Variants in ABCC3 observed in about 807,000 individuals in gnomAD.
ABCC3 encodes ATP-binding cassette sub-family C member 3.
Under a neutral mutation model 165.3 loss-of-function variants are expected in ABCC3, and 121 were observed. The observed-to-expected ratio is 0.73, with a 90% CI of 0.63 to 0.85. ABCC3 has a LOEUF of 0.85. ABCC3 is among the 40% of genes least tolerant of loss of function. The probability of loss-of-function intolerance (pLI) is 0.00; values close to 1 mark genes in which losing one functional copy is unlikely to be tolerated. For synonymous variants in ABCC3, 733 were observed against 810.1 expected, an observed-to-expected ratio of 0.90 and a Z score of 1.62; for missense variants, 1,869 against 1,964.1, an observed-to-expected ratio of 0.95 and a Z score of 0.92.
chr17:50,680,558 TCACTGGGACTCCCAATCC>T (rs1967910160), intron 26 of ABCC3, among the ~76,000 whole-genome samples: 1 of 152,132 alleles, frequency 6.6e-6, no homozygotes, highest in African/African-American at 2.4e-5. Flanking sequence ...CAGTCTGCCT[TCACTGGGACTCCCAATCC>T]CATGACCCCC....
At chr17:50,658,699 C>T (rs1205693868) in intron 6 of ABCC3, among the ~76,000 whole-genome samples, 3 of 152,244 alleles carry the variant, frequency 2.0e-5, no homozygotes, top group African/African-American at 7.2e-5. Flanking sequence ...CCAGTGCCGC[C>T]CCCAGGCTAC....
chr17:50,669,002 G>A, intron 15 of ABCC3, 83 bp downstream of exon 15: 1 of 1,597,160 alleles, frequency 6.3e-7, no homozygotes, highest in Non-Finnish European at 8.6e-7. Context: ...CAAAGCCTTT[G>A]ACCAAGAATG....
chr17:50,668,627 C>T, intron 14 of ABCC3, 110 bp downstream of exon 14: 2 of 938,210 alleles, frequency 2.1e-6, no homozygotes, highest in Non-Finnish European at 3.3e-6. Context: ...TTCCTCTGTT[C>T]ACATCTGCTT....
At chr17:50,636,880 G>A (rs1439557733) in intron 1 of ABCC3, among the ~76,000 whole-genome samples, 1 of 152,226 alleles carries the variant, frequency 6.6e-6, no homozygotes, top group Non-Finnish European at 1.5e-5. Flanking sequence ...CAACCCCTCA[G>A]TGTAGAGCTG....
intron 17 of ABCC3, 73 bp from the exon 18 acceptor site, chr17:50,672,898 A>G (rs1967677886): frequency 7.0e-7 from 1 of 1,438,358 alleles, no homozygotes; most frequent in Middle Eastern, 1.8e-4. Context: ...TGCCATCCCA[A>G]ATAACAGTGG....
chr17:50,674,034 C>CTCTTTCTTTCTTTCTT (rs1163741242), intron 19 of ABCC3, among the ~76,000 whole-genome samples: 2 of 4,506 alleles, frequency 4.4e-4, no homozygotes, highest in Non-Finnish European at 3.9e-4. Context: ...CTCTCTCTCT[C>CTCTTTCTTTCTTTCTT]TCTTTCTTTC....
intron 18 of ABCC3, 67 bp from the exon 19 acceptor site, chr17:50,673,402 G>T (rs1052362157): frequency 1.3e-6 from 2 of 1,561,244 alleles, no homozygotes; most frequent in Non-Finnish European, 1.7e-6. Context: ...TCACTCTGTG[G>T]CTCCGTGCCT....
chr17:50,682,096 G>C (rs189889479), intron 26 of ABCC3, among the ~76,000 whole-genome samples: 3 of 152,192 alleles, frequency 2.0e-5, no homozygotes, highest in African/African-American at 2.4e-5. Flanking sequence ...CTCTGGCCGC[G>C]TGGTTTCTCC....
Position 50,664,085 on chromosome 17 carries a change from A to G in ABCC3, c.1312A>G (p.Ile438Val), listed in dbSNP as rs1327585394. ...GCTGTGGTCAGCACCCCTGCAGATCATCCTGGCGATCTACTTCCTCTGGCA... is the reference window on the plus strand; with the variant it reads ...GCTGTGGTCAGCACCCCTGCAGATCGTCCTGGCGATCTACTTCCTCTGGCA... ...NLLWSAPLQI[I>V]LAIYFLWQNL... is the part of the protein sequence containing the mutation. The change falls in exon 10 of 31, where the codon ATC becomes GTC. Residue 438 changes from isoleucine (I) to valine (V), a missense_variant. Ile to Val is a conservative substitution (Grantham distance 29). Transcript: ENST00000285238. 8 of 1,614,182 alleles carry G rather than the reference A, an allele frequency of 5.0e-6. No homozygotes were observed. The highest frequency in any genetic ancestry group is 6.8e-6 in the Non-Finnish European group (8 of 1,180,022).
intron 1 of ABCC3, 22 bp from the exon 2 acceptor site, chr17:50,655,809 TA>T: frequency 6.2e-7 from 1 of 1,612,148 alleles, no homozygotes; most frequent in Non-Finnish European, 8.5e-7. Flanking sequence ...GCCACAGCAC[TA>T]AACTGTTCTC....
At chr17:50,645,920 T>C (rs1049971096) in intron 1 of ABCC3, among the ~76,000 whole-genome samples, 1 of 152,210 alleles carries the variant, frequency 6.6e-6, no homozygotes, top group East Asian at 1.9e-4. Flanking sequence ...GCAAATCTTT[T>C]TTCTGAGCAC....
In ABCC3 at chr17:50,667,587, A is replaced by T. The variant is rs894252965; in HGVS notation, c.1465A>T (p.Lys489Ter). 5 of 1,612,294 alleles carry T rather than the reference A, an allele frequency of 3.1e-6. No homozygotes were observed. Among genetic ancestry groups the T allele is most frequent in the Non-Finnish European group, 4.2e-6 (5 of 1,178,406 alleles). The change falls in exon 12 of 31, where the codon AAG (lysine) becomes TAG (stop). Residue 489 changes from lysine (K) to a stop codon, truncating the protein, a stop_gained. Coordinates refer to ENST00000285238, the MANE Select transcript of ABCC3 (RefSeq NM_003786.4). LOFTEE classifies it high-confidence loss of function. ...AATGAAATTGAAGGACTCGCGCATC[A>T]AGCTGATGAGTGAGATCCTGAACGG... ...KQMKLKDSRI[K>*]LMSEILNGIK...
chr17:50,646,676 A>C (rs34858494), intron 1 of ABCC3, among the ~76,000 whole-genome samples: 98,789 of 151,986 alleles, frequency 0.65, 32,871 homozygotes, highest in Non-Finnish European at 0.73. Context: ...AGGATCTGGG[A>C]CCCCAGGGAA....
rs11568599 is a variant in ABCC3, at chr17:50,668,908, C to A, written c.1926C>A (p.Pro642=). The change falls in exon 15 of 31, where the codon CCC becomes CCA. Residue 642 remains proline, a synonymous_variant. Coordinates refer to ENST00000285238, the MANE Select transcript of ABCC3 (RefSeq NM_003786.4). ...TCACCTGGGCCCAGGACCTGCCCCC[C>A]ACTCTGCACAGGTACCAGCTTCTCC... ...GTFTWAQDLP[P]TLHSLDIQVP... The A allele has an allele frequency of 3.3e-3, 5,383 of 1,614,032 alleles. 29 individuals carry two copies. The highest frequency in any genetic ancestry group is 5.3e-3 in the Middle Eastern group (32 of 6,062).
chr17:50,647,023 T>G (rs1411568001), intron 1 of ABCC3, among the ~76,000 whole-genome samples: 1 of 152,166 alleles, frequency 6.6e-6, no homozygotes, highest in Non-Finnish European at 1.5e-5. Context: ...GGATTACAGG[T>G]GCCTGCCACC....
At chr17:50,665,349 A>T in intron 11 of ABCC3, 104 bp downstream of exon 11, 1 of 960,684 alleles carries the variant, frequency 1.0e-6, no homozygotes, top group East Asian at 2.6e-5. Flanking sequence ...TTGCTTCCTG[A>T]GTATGGATGG....
chr17:50,674,044 CTTT>C (rs1967747294), intron 19 of ABCC3, among the ~76,000 whole-genome samples: 1 of 34,138 alleles, frequency 2.9e-5, no homozygotes. Flanking sequence ...CTCTTTCTTT[CTTT>C]CTTTCTTTCT....
intron 1 of ABCC3, 130 bp from the exon 2 acceptor site, chr17:50,655,702 C>A: frequency 1.3e-6 from 1 of 782,346 alleles, no homozygotes; most frequent in Non-Finnish European, 2.0e-6. Context: ...TGTGTACTCT[C>A]TCCTCCTCAC....
chr17:50,680,602 C>T (rs140631930), intron 26 of ABCC3, among the ~76,000 whole-genome samples: 353 of 152,262 alleles, frequency 2.3e-3, no homozygotes, highest in African/African-American at 8.3e-3. Flanking sequence ...TGTCTCTGTC[C>T]ATCAGCTTCT....
Sources: allele counts gnomAD v4.1 joint callset (sites outside exome capture counted in the v4.1 genomes callset), GRCh38; gene constraint gnomAD v4.1.1; transcripts MANE v1.5; gene names NCBI Gene and HGNC (gene_info 2026-07-23, HGNC 2026-07-21).